Variants in ARFGEF1 observed in about 807,000 individuals in gnomAD.
ARFGEF1 encodes brefeldin A-inhibited guanine nucleotide-exchange protein 1.
ARFGEF1 carries 42 observed loss-of-function variants against 231.0 expected under a neutral mutation model. The ratio of observed to expected loss-of-function variants is 0.18; its 90% CI spans 0.14 to 0.24. ARFGEF1 has a LOEUF of 0.24. ARFGEF1 is among the 10% of genes least tolerant of loss of function. The pLI is 1.00. For synonymous variants in ARFGEF1, 710 were observed against 732.3 expected (o/e 0.97, Z 0.49); for missense variants, 1,345 against 2,192.0 (o/e 0.61, Z 7.72).
rs1389338661 is a variant in ARFGEF1, at chr8:67,198,184, C to G, written c.*750G>C. On this transcript the variant is annotated 3_prime_UTR_variant, in exon 39 of 39. Coordinates refer to ENST00000262215, the MANE Select transcript of ARFGEF1 (RefSeq NM_006421.5). ...TTCCCTATTGTTGAAGTGTCGGCCACAACAGCTTCTGGGCATGTTACAGCC... is the reference window on the plus strand; with the variant it reads ...TTCCCTATTGTTGAAGTGTCGGCCAGAACAGCTTCTGGGCATGTTACAGCC... 42 of 985,558 alleles carry G rather than the reference C, an allele frequency of 4.3e-5. No individual in the cohort carries two copies. Among genetic ancestry groups the G allele is most frequent in the Non-Finnish European group, 4.9e-5 (41 of 829,924 alleles). 61.1% of individuals were successfully genotyped at this position (985,558 alleles called of 1,614,324 possible). A position where few individuals can be genotyped will look rare whatever the true frequency, so the allele number is the denominator to read the frequency against.
intron 35 of ARFGEF1, 35 bp from the exon 36 acceptor site, chr8:67,203,286 A>T: frequency 1.3e-6 from 2 of 1,598,700 alleles, no homozygotes; most frequent in South Asian, 2.3e-5. Context: ...ATATACACAC[A>T]GTCACAATAA....
intron 19 of ARFGEF1, 63 bp from the exon 20 acceptor site, chr8:67,240,353 T>A: frequency 7.1e-7 from 1 of 1,413,408 alleles, no homozygotes; most frequent in Non-Finnish European, 9.5e-7. Context: ...ATTTCTCAAA[T>A]CTTTTAGACA....
At chr8:67,332,908 T>C (rs1183191855) in intron 1 of ARFGEF1, among the ~76,000 whole-genome samples, 3 of 152,252 alleles carry the variant, frequency 2.0e-5, no homozygotes, top group South Asian at 2.1e-4. Context: ...CCTAAGCATA[T>C]AGGGTTGTTC....
rs1806479846 is a variant in ARFGEF1, at chr8:67,301,347, G to A, written c.189C>T (p.Ser63=). The part of the protein sequence containing the change: ...PPHGEAKAGS[S]TLPPVKSKTN... ...TCTTTGATTTCACTGGTGGAAGGGT[G>A]CTTGATCCAGCTTTTGCTTCTCCAT... Residue 63 remains serine (S), a synonymous_variant, in exon 3 of 39, where the codon AGC becomes AGT. Coordinates refer to ENST00000262215, the MANE Select transcript of ARFGEF1 (RefSeq NM_006421.5). The A allele has an allele frequency of 1.2e-6, 2 of 1,613,600 alleles. No individual in the cohort carries two copies. Among genetic ancestry groups the A allele is most frequent in the Admixed American group, 3.3e-5 (2 of 59,824 alleles).
intron 29 of ARFGEF1, among the ~76,000 whole-genome samples, chr8:67,221,150 G>A (rs1044392823): frequency 6.6e-6 from 1 of 152,050 alleles, no homozygotes; most frequent in African/African-American, 2.4e-5. Flanking sequence ...ACTGCCAGTC[G>A]TATAATGATA....
intron 5 of ARFGEF1, among the ~76,000 whole-genome samples, chr8:67,175,993 T>C (rs1406454380): frequency 3.9e-5 from 6 of 152,098 alleles, no homozygotes; most frequent in Admixed American, 1.3e-4. Context: ...GCTGCTGCTC[T>C]TGAGGAGGTT....
At chr8:67,297,126 T>G (rs1456376661) in intron 4 of ARFGEF1, among the ~76,000 whole-genome samples, 4 of 152,222 alleles carry the variant, frequency 2.6e-5, no homozygotes, top group Non-Finnish European at 5.9e-5. Flanking sequence ...GCGGCAGTAA[T>G]TTCCACATAA....
chr8:67,244,387 T>C (rs75623345), intron 19 of ARFGEF1, among the ~76,000 whole-genome samples: 11,487 of 129,494 alleles, frequency 0.089, 1,680 homozygotes, highest in African/African-American at 0.29. Context: ...CAGCTCACTG[T>C]AACCTCCACC....
intron 1 of ARFGEF1, among the ~76,000 whole-genome samples, chr8:67,318,369 G>A (rs949507891): frequency 6.6e-6 from 1 of 151,978 alleles, no homozygotes; most frequent in South Asian, 2.1e-4. Flanking sequence ...AGCAATAGAG[G>A]AGAATGATAA....
At chr8:67,328,648 C>T (rs1156266682) in intron 1 of ARFGEF1, among the ~76,000 whole-genome samples, 1 of 152,090 alleles carries the variant, frequency 6.6e-6, no homozygotes, top group African/African-American at 2.4e-5. Flanking sequence ...ACTGTTCTAC[C>T]ATGTAGTGAA....
chr8:67,210,958 CA>C (rs892512051), intron 34 of ARFGEF1, among the ~76,000 whole-genome samples: 1 of 150,510 alleles, frequency 6.6e-6, no homozygotes, highest in Admixed American at 6.6e-5. Context: ...GAGGCTGAGG[CA>C]GGAGAATCAT....
chr8:67,310,738 G>A (rs1400056428), intron 1 of ARFGEF1, among the ~76,000 whole-genome samples: 2 of 151,284 alleles, frequency 1.3e-5, no homozygotes, highest in African/African-American at 2.4e-5. Context: ...GAGCGCCTCT[G>A]CCCGGCCGCG....
intron 22 of ARFGEF1, among the ~76,000 whole-genome samples, chr8:67,236,350 A>T (rs1479821817): frequency 4.2e-4 from 5 of 11,960 alleles, no homozygotes; most frequent in African/African-American, 8.2e-4. Context: ...GATATTAGTT[A>T]AAAAAAAAAA....
intron 1 of ARFGEF1, among the ~76,000 whole-genome samples, chr8:67,340,012 T>C (rs899055702): frequency 1.3e-5 from 2 of 151,806 alleles, no homozygotes; most frequent in Admixed American, 6.6e-5. Context: ...AGTTATACTT[T>C]TTGACAAAAA....
At chr8:67,308,175 A>G (rs1391554028) in intron 1 of ARFGEF1, among the ~76,000 whole-genome samples, 2 of 152,204 alleles carry the variant, frequency 1.3e-5, no homozygotes, top group Non-Finnish European at 2.9e-5. Context: ...TGCCCAGCTG[A>G]GGCCCCAGAC....
intron 19 of ARFGEF1, 65 bp from the exon 20 acceptor site, chr8:67,240,355 T>C (rs1839892598): frequency 7.2e-7 from 1 of 1,387,226 alleles, no homozygotes; most frequent in Non-Finnish European, 9.7e-7. Flanking sequence ...TTCTCAAATC[T>C]TTTAGACAAT....
intron 34 of ARFGEF1, among the ~76,000 whole-genome samples, chr8:67,207,993 A>C (rs575065331): frequency 6.6e-6 from 1 of 152,198 alleles, no homozygotes; most frequent in Non-Finnish European, 1.5e-5. Flanking sequence ...GTGAAGACCA[A>C]GTCCTGCCCT....
Position 67,258,048 on chromosome 8 carries a change from A to G in ARFGEF1, c.2441+37T>C, listed in dbSNP as rs1001303349. ...TGCTACCTAGCACAGTGGTTTGGAT[A>G]TAACAGACAATCAATGAGCATTTGA... On this transcript the variant is annotated intron_variant, in intron 16 of 38. Coordinates refer to ENST00000262215, the MANE Select transcript of ARFGEF1 (RefSeq NM_006421.5). 6 of 1,550,546 alleles carry G rather than the reference A, an allele frequency of 3.9e-6. No homozygotes were observed. In the African/African-American group the frequency reaches 4.1e-5, roughly 11 times the overall value.
At chr8:67,270,512 T>C (rs1805031544) in intron 10 of ARFGEF1, among the ~76,000 whole-genome samples, 1 of 152,084 alleles carries the variant, frequency 6.6e-6, no homozygotes, top group African/African-American at 2.4e-5. Flanking sequence ...AATTAAAATA[T>C]AACCTGTATA....
Sources: allele counts gnomAD v4.1 joint callset (sites outside exome capture counted in the v4.1 genomes callset), GRCh38; gene constraint gnomAD v4.1.1; transcripts MANE v1.5; gene names NCBI Gene and HGNC (gene_info 2026-07-23, HGNC 2026-07-21).